RNFT2: variants seen among roughly 807,000 people sequenced by gnomAD.
RNFT2 encodes ring finger protein, transmembrane 2.
RNFT2 carries 36 observed loss-of-function variants against 53.0 expected under a neutral mutation model. The ratio of observed to expected loss-of-function variants is 0.68; its 90% CI spans 0.52 to 0.90. RNFT2 has a LOEUF of 0.90. Ranked by LOEUF, RNFT2 falls within the 40% of genes least tolerant of loss-of-function variation. The probability of loss-of-function intolerance (pLI) is 0.00; values close to 1 mark genes in which losing one functional copy is unlikely to be tolerated. For missense variants in RNFT2, 514 were observed against 585.6 expected (o/e 0.88, Z 1.26); for synonymous variants, 260 against 253.2 (o/e 1.03, Z -0.26).
intron 7 of RNFT2, among the ~76,000 whole-genome samples, chr12:116,791,403 C>T (rs202238131): frequency 4.6e-5 from 7 of 152,128 alleles, no homozygotes; most frequent in Admixed American, 2.0e-4. Flanking sequence ...CTCTGCCTCC[C>T]GGGTTCAAGC....
At chr12:116,845,440 C>T (rs1333783632) in intron 10 of RNFT2, among the ~76,000 whole-genome samples, 4 of 151,812 alleles carry the variant, frequency 2.6e-5, no homozygotes, top group Admixed American at 6.6e-5. Context: ...AGGATGGAAT[C>T]GGGGCAACAT....
At chr12:116,753,951 G>A in intron 4 of RNFT2, 33 bp from the exon 5 acceptor site, 1 of 1,591,840 alleles carries the variant, frequency 6.3e-7, no homozygotes, top group Non-Finnish European at 8.6e-7. Flanking sequence ...ATGAGTCTAA[G>A]TGGGTGACAT....
At chr12:116,791,315 T>C (rs1025111071) in intron 7 of RNFT2, among the ~76,000 whole-genome samples, 1 of 152,236 alleles carries the variant, frequency 6.6e-6, no homozygotes, top group Non-Finnish European at 1.5e-5. Context: ...CTTCATTTCT[T>C]CTTTTTCTTT....
intron 7 of RNFT2, among the ~76,000 whole-genome samples, chr12:116,830,150 T>C (rs1228512904): frequency 6.6e-6 from 1 of 152,214 alleles, no homozygotes; most frequent in African/African-American, 2.4e-5. Flanking sequence ...CCTCTTCCCC[T>C]AATGTTGATA....
At chr12:116,813,156 G>C (rs937116666) in intron 7 of RNFT2, among the ~76,000 whole-genome samples, 1 of 151,470 alleles carries the variant, frequency 6.6e-6, no homozygotes, top group Non-Finnish European at 1.5e-5. Context: ...ACAGGGTTTT[G>C]CCATGTTATC....
At chr12:116,787,726 A>G (rs1874002975) in intron 7 of RNFT2, among the ~76,000 whole-genome samples, 1 of 151,948 alleles carries the variant, frequency 6.6e-6, no homozygotes, top group Admixed American at 6.6e-5. Flanking sequence ...AAGAAAAAAA[A>G]AAAAAAAGAT....
chr12:116,819,680 C>T (rs759445486), intron 7 of RNFT2, among the ~76,000 whole-genome samples: 1 of 152,186 alleles, frequency 6.6e-6, no homozygotes, highest in East Asian at 1.9e-4. Context: ...CCGCTGGCCC[C>T]GCCTCCTACC....
intron 7 of RNFT2, among the ~76,000 whole-genome samples, chr12:116,806,741 C>G (rs77080591): frequency 0.058 from 8,455 of 145,488 alleles, 620 homozygotes; most frequent in African/African-American, 0.16. Flanking sequence ...AAGAGACCCT[C>G]TCTCAAAAAA....
intron 7 of RNFT2, among the ~76,000 whole-genome samples, chr12:116,806,379 AAAATATATATATAT>A (rs1164457147): frequency 3.9e-5 from 5 of 129,846 alleles, no homozygotes; most frequent in African/African-American, 1.8e-4. Flanking sequence ...AAAAAAAAAA[AAAATATATATATAT>A]ATATATAGAT....
intron 8 of RNFT2, 28 bp downstream of exon 8, chr12:116,833,969 G>A (rs187060597): frequency 2.4e-5 from 37 of 1,563,576 alleles, no homozygotes; most frequent in South Asian, 1.8e-4. Flanking sequence ...CTGGAGGGCC[G>A]GCCTAAGGAG....
At chr12:116,758,469 G>C (rs1566072274) in intron 5 of RNFT2, among the ~76,000 whole-genome samples, 1 of 152,122 alleles carries the variant, frequency 6.6e-6, no homozygotes, top group Non-Finnish European at 1.5e-5. Flanking sequence ...AGGGTCTGTT[G>C]TGATGTGTTT....
chr12:116,811,013 C>G (rs1015905531), intron 7 of RNFT2, among the ~76,000 whole-genome samples: 8 of 152,190 alleles, frequency 5.3e-5, no homozygotes, highest in Non-Finnish European at 1.2e-4. Flanking sequence ...TGGATCTGAG[C>G]TGGAATTTTG....
chr12:116,779,478 A>T (rs889033123), intron 7 of RNFT2, 130 bp downstream of exon 7: 5 of 948,760 alleles, frequency 5.3e-6, no homozygotes, highest in Non-Finnish European at 7.8e-6. Flanking sequence ...ACAGAGCCTG[A>T]GCTCATAGCT....
intron 5 of RNFT2, among the ~76,000 whole-genome samples, chr12:116,765,745 A>T (rs1251772159): frequency 6.6e-6 from 1 of 152,180 alleles, no homozygotes; most frequent in African/African-American, 2.4e-5. Context: ...CTGAAGAAGG[A>T]GAAATGGGGC....
At position 116,849,861 on chromosome 12, in the gene RNFT2, T is replaced by A. The variant is rs1431130459; in HGVS notation, c.*413T>A. 8.0e-5 allele frequency: 19 copies of A among 238,690 alleles called. No individual in the cohort carries two copies. Among genetic ancestry groups the A allele is most frequent in the South Asian group, 7.0e-4 (5 of 7,124 alleles). 14.8% of individuals were successfully genotyped at this position (238,690 alleles called of 1,614,324 possible). ...CCTTCCTTCCTTTTTTTTTTTTTTT[T>A]AAAACAAGGTCTCGCTCTATCACCC... On this transcript the variant is annotated 3_prime_UTR_variant, in exon 11 of 11. Coordinates refer to ENST00000257575, the MANE Select transcript of RNFT2 (RefSeq NM_001382266.1).
intron 7 of RNFT2, among the ~76,000 whole-genome samples, chr12:116,828,511 A>G (rs1369859376): frequency 6.6e-6 from 1 of 152,176 alleles, no homozygotes; most frequent in Non-Finnish European, 1.5e-5. Flanking sequence ...GTATTATAGT[A>G]GTTTGCTTAG....
intron 7 of RNFT2, among the ~76,000 whole-genome samples, chr12:116,782,652 T>C (rs1024666731): frequency 6.6e-6 from 1 of 152,186 alleles, no homozygotes; most frequent in South Asian, 2.1e-4. Flanking sequence ...CAGGTTACCA[T>C]GGGTCAATGC....
intron 4 of RNFT2, among the ~76,000 whole-genome samples, chr12:116,750,715 T>C (rs1311701293): frequency 1.3e-5 from 2 of 149,412 alleles, no homozygotes; most frequent in Non-Finnish European, 3.0e-5. Flanking sequence ...GGGGTATGAT[T>C]TTATAGTCTT....
intron 5 of RNFT2, among the ~76,000 whole-genome samples, chr12:116,757,334 G>C (rs1872547361): frequency 6.6e-6 from 1 of 151,966 alleles, no homozygotes; most frequent in Admixed American, 6.6e-5. Flanking sequence ...GTTCTGCTCT[G>C]ATCTTGGTTA....
Sources: gnomAD v4.1 joint callset for allele counts (sites outside exome capture counted in the v4.1 genomes callset) on GRCh38, gnomAD v4.1.1 for gene constraint, MANE v1.5 for transcripts, NCBI Gene and HGNC (gene_info 2026-07-23, HGNC 2026-07-21) for gene names.